Variants in ZNF516 observed in about 807,000 individuals in gnomAD.
ZNF516 encodes the protein zinc finger protein 516.
Under a neutral mutation model 79.7 loss-of-function variants are expected in ZNF516, and 19 were observed. That is an observed-to-expected ratio of 0.24 (90% CI 0.17 to 0.35). ZNF516 has a LOEUF of 0.35. Among genes scored for constraint, ZNF516 ranks in the 10% least tolerant of loss-of-function variants. The pLI, the probability that ZNF516 is intolerant of heterozygous loss-of-function variation, is 1.00. For missense variants in ZNF516, 1,678 were observed against 1,679.5 expected, an observed-to-expected ratio of 1.00 and a Z score of 0.02; for synonymous variants, 877 against 739.5, an observed-to-expected ratio of 1.19 and a Z score of -3.02.
At chr18:76,440,758 G>C (rs1841052391) in intron 3 of ZNF516, among the ~76,000 whole-genome samples, 1 of 149,678 alleles carries the variant, frequency 6.7e-6, no homozygotes, top group African/African-American at 2.5e-5. Context: ...GTGTGTGTGT[G>C]TGTGCGCGCA....
Position 76,379,052 on chromosome 18 carries a change from C to G in ZNF516, c.3062G>C (p.Arg1021Thr), listed in dbSNP as rs753324873. 1.2e-6 allele frequency: 2 copies of G among 1,610,708 alleles called. No homozygotes were observed. The highest frequency in any genetic ancestry group is 1.1e-5 in the South Asian group (1 of 91,024). ...RTLATCAAGS[R>T]GDAALQAQPG... The stretch of plus-strand genomic sequence containing the variant: ...CTGGGCCTGCAAGGCCGCGTCGCCC[C>G]TGGACCCCGCAGCACAGGTGGCCAG... The change falls in exon 4 of 7, where the codon AGG (arginine) becomes ACG (threonine). Residue 1021 changes from arginine (R) to threonine (T), a missense_variant. Arg to Thr is a moderately conservative substitution (Grantham distance 71). Around this residue, in one of 5 missense-constraint regions of ZNF516, gnomAD observed 1,294 missense variants for 1,248.3 expected, o/e 1.04. Coordinates refer to ENST00000443185, the MANE Select transcript of ZNF516 (RefSeq NM_014643.4).
In ZNF516 at chr18:76,360,492, T is replaced by C. The variant is rs2144843467; in HGVS notation, c.*2006A>G. On this transcript the variant is annotated 3_prime_UTR_variant, in exon 7 of 7. Transcript: ENST00000443185. ...TCTTAGGTGGACAGAGGAATGTGTC[T>C]CCGCAACTTTGCCCAAAATAACTTT... 6.6e-6 allele frequency: 1 copy of C among 151,874 alleles called. No homozygotes were observed. Among genetic ancestry groups the C allele is most frequent in the Middle Eastern group, 3.4e-3 (1 of 294 alleles). The allele number at this position is 151,874 out of a possible 1,614,324, so 9.4% of individuals were successfully genotyped here.
At chr18:76,447,271 C>T (rs1223220342) in intron 2 of ZNF516, among the ~76,000 whole-genome samples, 1 of 152,222 alleles carries the variant, frequency 6.6e-6, no homozygotes, top group Non-Finnish European at 1.5e-5. Context: ...ACGTCAGCGG[C>T]CCTGCTGGCA....
At chr18:76,455,035 A>G (rs1912635140) in intron 2 of ZNF516, among the ~76,000 whole-genome samples, 1 of 152,214 alleles carries the variant, frequency 6.6e-6, no homozygotes, top group African/African-American at 2.4e-5. Flanking sequence ...GTCCCCAAAG[A>G]GGACAGTTAT....
chr18:76,426,812 G>T (rs552934343), intron 3 of ZNF516, among the ~76,000 whole-genome samples: 1 of 152,180 alleles, frequency 6.6e-6, no homozygotes, highest in African/African-American at 2.4e-5. Context: ...AGGGAGCACC[G>T]GCATCATCTC....
At chr18:76,377,901 A>G (rs2074814020) in intron 4 of ZNF516, among the ~76,000 whole-genome samples, 1 of 151,998 alleles carries the variant, frequency 6.6e-6, no homozygotes, top group Non-Finnish European at 1.5e-5. Flanking sequence ...TTTTTAGTAG[A>G]GATGGTGTCT....
At chr18:76,429,823 A>G (rs2075640192) in intron 3 of ZNF516, among the ~76,000 whole-genome samples, 1 of 152,246 alleles carries the variant, frequency 6.6e-6, no homozygotes, top group South Asian at 2.1e-4. Flanking sequence ...AAGGAATCCA[A>G]TGTCTGCCAG....
intron 4 of ZNF516, among the ~76,000 whole-genome samples, chr18:76,372,059 C>T (rs2074717214): frequency 6.6e-6 from 1 of 152,222 alleles, no homozygotes; most frequent in East Asian, 1.9e-4. Context: ...ACCTCTGGCC[C>T]TCTCTCCTGC....
rs1382638863 is a variant in ZNF516, at chr18:76,443,119, C to CCTAT, written c.-69_-66dup. 4.6e-6 allele frequency: 7 copies of CCTAT among 1,506,614 alleles called. No homozygotes were observed. The highest frequency in any genetic ancestry group is 6.2e-6 in the Non-Finnish European group (7 of 1,135,762). The allele number at this position is 1,506,614 out of a possible 1,614,324, so 93.3% of individuals were successfully genotyped here. The stretch of plus-strand genomic sequence containing the variant: ...CTGTCGCGCGGGCTGCAGGGACCGT[C>CCTAT]CTATCTCTCCATGGTCAGAAGAGCC... On this transcript the variant is annotated 5_prime_UTR_variant, in exon 3 of 7. Coordinates refer to ENST00000443185, the MANE Select transcript of ZNF516 (RefSeq NM_014643.4).
rs773199316 is a variant in ZNF516 at position 76,441,767 on chromosome 18, G to C, written c.1288C>G (p.Pro430Ala). The change falls in exon 3 of 7, where the codon CCG becomes GCG. Residue 430 changes from proline to alanine, a missense_variant. Transcript: ENST00000443185. ...GCCCCGTACTTGAGGTACTCGGCCG[G>C]CTCGGCCACCTTACCCCGCGTGGCC... ...QLATRGKVAE[P>A]AEYLKYGAWD... The C allele has an allele frequency of 9.6e-6, 15 of 1,564,760 alleles. No individual in the cohort carries two copies. The highest frequency in any genetic ancestry group is 1.3e-5 in the Non-Finnish European group (15 of 1,161,652).
intron 1 of ZNF516, among the ~76,000 whole-genome samples, chr18:76,470,878 A>G (rs537093161): frequency 7.9e-5 from 12 of 152,274 alleles, no homozygotes; most frequent in East Asian, 1.9e-4. Flanking sequence ...TTAGCCTGGC[A>G]TGGTGGCAGG....
At chr18:76,409,030 A>G (rs187343054) in intron 3 of ZNF516, among the ~76,000 whole-genome samples, 1 of 152,088 alleles carries the variant, frequency 6.6e-6, no homozygotes, top group Non-Finnish European at 1.5e-5. Context: ...AAAAAAAATC[A>G]TAAAAGTTTT....
chr18:76,450,129 G>C (rs1482329734), intron 2 of ZNF516, among the ~76,000 whole-genome samples: 1 of 133,788 alleles, frequency 7.5e-6, no homozygotes, highest in Non-Finnish European at 1.6e-5. Context: ...CAAAGAGAAA[G>C]AGAGAGACGG....
intron 4 of ZNF516, among the ~76,000 whole-genome samples, chr18:76,377,565 C>G (rs987706349): frequency 6.6e-6 from 1 of 152,234 alleles, no homozygotes; most frequent in Non-Finnish European, 1.5e-5. Context: ...GGGACACTGT[C>G]CCACGGTGGA....
intron 1 of ZNF516, among the ~76,000 whole-genome samples, chr18:76,489,269 ACT>A (rs1353707469): frequency 3.9e-5 from 6 of 152,262 alleles, no homozygotes; most frequent in Non-Finnish European, 7.4e-5. Flanking sequence ...CCATGACTAA[ACT>A]CTACGTAAAT....
At position 76,443,082 on chromosome 18, in the gene ZNF516, C is replaced by G; in HGVS notation, c.-28G>C. Reference sequence around the variant, plus strand: ...GAAGGACGGGCGCGGCCGGTGGTGGCGGCACAGCTTTCTGTCGCGCGGGCT... The same window carrying G: ...GAAGGACGGGCGCGGCCGGTGGTGGGGGCACAGCTTTCTGTCGCGCGGGCT... On this transcript the variant is annotated 5_prime_UTR_variant, in exon 3 of 7. Coordinates refer to ENST00000443185, the MANE Select transcript of ZNF516 (RefSeq NM_014643.4). 1 of 1,552,884 alleles carries G rather than the reference C, an allele frequency of 6.4e-7. No individual in the cohort carries two copies. Among genetic ancestry groups the G allele is most frequent in the South Asian group, 1.2e-5 (1 of 85,990 alleles).
intron 6 of ZNF516, among the ~76,000 whole-genome samples, chr18:76,367,253 G>A (rs768428295): frequency 3.4e-4 from 51 of 152,100 alleles, no homozygotes; most frequent in African/African-American, 1.0e-3. Flanking sequence ...AAATCTACCC[G>A]CTCTCTCCGG....
chr18:76,442,638 G>A lies in ZNF516; in HGVS notation c.417C>T (p.Val139=), dbSNP rs927782025. 6.3e-7 allele frequency: 1 copy of A among 1,592,248 alleles called. No individual in the cohort carries two copies. Among genetic ancestry groups the A allele is most frequent in the Non-Finnish European group, 8.5e-7 (1 of 1,175,608 alleles). The change falls in exon 3 of 7, where the codon GTC becomes GTT. Residue 139 remains valine, a synonymous_variant. Transcript: ENST00000443185. ...NGASQADGAR[V]LNGASQADSG... ...TGTCGGCCTGCGAGGCCCCGTTCAG[G>A]ACCCTGGCGCCGTCGGCCTGCGAGG...
At chr18:76,475,085 C>G (rs1161480537) in intron 1 of ZNF516, among the ~76,000 whole-genome samples, 3 of 152,176 alleles carry the variant, frequency 2.0e-5, no homozygotes, top group Non-Finnish European at 4.4e-5. Context: ...GTTTCTGTAT[C>G]TGGAAAACAT....
Sources: allele counts gnomAD v4.1 joint callset (sites outside exome capture counted in the v4.1 genomes callset), GRCh38; gene constraint gnomAD v4.1.1; regional missense constraint gnomAD v4.1.1; transcripts MANE v1.5; gene names NCBI Gene and HGNC (gene_info 2026-07-23, HGNC 2026-07-21).